Variants in STPG2 observed in about 807,000 individuals in gnomAD.
The protein encoded by STPG2 is sperm-tail PG-rich repeat-containing protein 2.
Under a neutral mutation model 54.2 loss-of-function variants are expected in STPG2, and 56 were observed. The observed-to-expected ratio is 1.03, with a 90% CI of 0.83 to 1.29. The LOEUF (loss-of-function observed/expected upper bound fraction) is 1.29, where lower values mean the gene tolerates loss of function less well. Among genes scored for constraint, STPG2 ranks in the 50% most tolerant of loss-of-function variants. The probability of loss-of-function intolerance (pLI) is 0.00; values close to 1 mark genes in which losing one functional copy is unlikely to be tolerated. For synonymous variants in STPG2, 200 were observed against 181.8 expected, an observed-to-expected ratio of 1.10 and a Z score of -0.81; for missense variants, 596 against 544.9, an observed-to-expected ratio of 1.09 and a Z score of -0.93.
intron 10 of STPG2, among the ~76,000 whole-genome samples, chr4:97,629,008 T>C (rs1224991147): frequency 6.6e-6 from 1 of 152,050 alleles, no homozygotes; most frequent in Non-Finnish European, 1.5e-5. Flanking sequence ...TATTTAAATC[T>C]TTAAATATCA....
intron 4 of STPG2, among the ~76,000 whole-genome samples, chr4:97,492,507 T>C (rs1730523224): frequency 6.6e-6 from 1 of 151,554 alleles, no homozygotes; most frequent in Non-Finnish European, 1.5e-5. Context: ...CATTTAAACA[T>C]AGAATCCAAC....
In STPG2 at chr4:97,946,118, G is replaced by A. The variant is rs191985231; in HGVS notation, c.934-2111C>T. ...CAGGAGTGAGGTGGTATCTCATTGC[G>A]GTTTTAATTTGCATTTCCCTGATGA... On this transcript the variant is annotated intron_variant, in intron 7 of 10. Transcript: ENST00000295268. 2.4e-4 allele frequency among the ~76,000 whole-genome samples: 36 copies of A among 151,972 alleles called. No homozygotes were observed. The East Asian group carries it at 4.8e-3, about 20-fold the overall frequency.
intron 10 of STPG2, among the ~76,000 whole-genome samples, chr4:97,689,236 T>A (rs1296040952): frequency 2.0e-5 from 3 of 152,192 alleles, no homozygotes; most frequent in Admixed American, 1.3e-4. Context: ...CTTATCTTCC[T>A]TCTCATCAAG....
chr4:98,123,947 C>T (rs931086073), intron 3 of STPG2, among the ~76,000 whole-genome samples: 1 of 152,000 alleles, frequency 6.6e-6, no homozygotes, highest in African/African-American at 2.4e-5. Context: ...ATGCCCTTAT[C>T]TTTTTTGATC....
At chr4:97,564,908 T>G (rs978467861) in intron 10 of STPG2, among the ~76,000 whole-genome samples, 5 of 152,202 alleles carry the variant, frequency 3.3e-5, no homozygotes, top group African/African-American at 4.8e-5. Context: ...GATAATTATG[T>G]GTCTTGGAGT....
At chr4:97,463,431 T>G (rs1244004078) in intron 4 of STPG2, 1 of 152,128 alleles carries the variant, frequency 6.6e-6, no homozygotes, top group Admixed American at 6.6e-5. Flanking sequence ...TTTCTTGTAT[T>G]GTGTTTTTGT....
intron 3 of STPG2, among the ~76,000 whole-genome samples, chr4:98,112,463 T>C (rs1048953851): frequency 2.0e-5 from 3 of 152,104 alleles, no homozygotes; most frequent in Admixed American, 6.6e-5. Flanking sequence ...TAACAATGCA[T>C]TTCTTAGGAC....
At chr4:97,999,624 A>T (rs1735351221) in intron 5 of STPG2, among the ~76,000 whole-genome samples, 1 of 152,050 alleles carries the variant, frequency 6.6e-6, no homozygotes, top group Admixed American at 6.5e-5. Flanking sequence ...GCTTGAACCC[A>T]GGAGGCAGAG....
At chr4:97,883,077 G>A (rs1219758886) in intron 8 of STPG2, among the ~76,000 whole-genome samples, 1 of 151,554 alleles carries the variant, frequency 6.6e-6, no homozygotes, top group African/African-American at 2.4e-5. Context: ...CCACACTTTG[G>A]GAGGCTAAGG....
chr4:97,740,060 T>A (rs1725169981), intron 9 of STPG2, among the ~76,000 whole-genome samples: 1 of 151,972 alleles, frequency 6.6e-6, no homozygotes, highest in African/African-American at 2.4e-5. Flanking sequence ...TGGTTCAATA[T>A]ACACAAATCA....
At chr4:97,760,311 C>G (rs555749214) in intron 9 of STPG2, among the ~76,000 whole-genome samples, 59 of 152,236 alleles carry the variant, frequency 3.9e-4, no homozygotes, top group African/African-American at 1.4e-3. Context: ...GAATCTAGCT[C>G]TAGGTATATG....
At chr4:97,957,951 T>C (rs995052392) in intron 7 of STPG2, among the ~76,000 whole-genome samples, 1 of 151,848 alleles carries the variant, frequency 6.6e-6, no homozygotes, top group African/African-American at 2.4e-5. Context: ...CAGAAGCACA[T>C]CAAAACAGAA....
chr4:98,128,544 T>C lies in STPG2; in HGVS notation c.271A>G (p.Ile91Val), dbSNP rs529954852. 4.3e-5 allele frequency: 69 copies of C among 1,611,684 alleles called. No individual in the cohort carries two copies. The highest frequency in any genetic ancestry group is 5.3e-5 in the Non-Finnish European group (63 of 1,179,352). ...TLTRSVDVPS[I>V]PSCGKSYGYH... ...CCATATGACTTTCCACAAGAAGGAATTGAAGGAACATCAACACTTCTGGTA... is the reference window on the plus strand; with the variant it reads ...CCATATGACTTTCCACAAGAAGGAACTGAAGGAACATCAACACTTCTGGTA... Residue 91 changes from isoleucine to valine, a missense_variant, in exon 3 of 11, where the codon ATT becomes GTT. Physicochemically the swap from Ile to Val is conservative, Grantham distance 29. Transcript: ENST00000295268.
intron 10 of STPG2, among the ~76,000 whole-genome samples, chr4:97,575,039 A>C (rs546613105): frequency 6.6e-6 from 1 of 152,172 alleles, no homozygotes; most frequent in Non-Finnish European, 1.5e-5. Context: ...CAATTCAGAA[A>C]AAAAAATTAA....
intron 9 of STPG2, among the ~76,000 whole-genome samples, chr4:97,839,156 TATG>T (rs1480649640): frequency 6.6e-6 from 1 of 151,628 alleles, no homozygotes; most frequent in African/African-American, 2.4e-5. Context: ...TGTTTCATAT[TATG>T]ATAAGATCTT....
intron 3 of STPG2, among the ~76,000 whole-genome samples, chr4:98,119,220 T>G (rs887536105): frequency 1.4e-4 from 22 of 152,226 alleles, no homozygotes; most frequent in Admixed American, 1.4e-3. Flanking sequence ...ACATAATCAT[T>G]TATGAGATAA....
intron 9 of STPG2, among the ~76,000 whole-genome samples, chr4:97,756,499 T>A (rs1251308313): frequency 6.6e-6 from 1 of 151,806 alleles, no homozygotes; most frequent in Non-Finnish European, 1.5e-5. Flanking sequence ...TTTTTTTGTA[T>A]TTTTTTAGTA....
At chr4:98,025,769 G>T in intron 5 of STPG2, 2 of 1,569,320 alleles carry the variant, frequency 1.3e-6, no homozygotes, top group Non-Finnish European at 1.7e-6. Context: ...GACTGGCGAT[G>T]AATACAATGT....
chr4:97,679,216 G>A (rs1047761644), intron 10 of STPG2, among the ~76,000 whole-genome samples: 1 of 152,164 alleles, frequency 6.6e-6, no homozygotes, highest in African/African-American at 2.4e-5. Flanking sequence ...CTTCCACAAT[G>A]GTTGAACTAC....
Sources: gnomAD v4.1 joint callset for allele counts (sites outside exome capture counted in the v4.1 genomes callset) on GRCh38, gnomAD v4.1.1 for gene constraint, MANE v1.5 for transcripts, NCBI Gene and HGNC (gene_info 2026-07-23, HGNC 2026-07-21) for gene names.